The following NDUFV2 variants were observed in gnomAD, a reference collection of about 807,000 sequenced individuals.
NDUFV2 encodes the protein NADH:ubiquinone oxidoreductase core subunit V2.
NDUFV2 carries 18 observed loss-of-function variants against 31.6 expected under a neutral mutation model. The ratio of observed to expected loss-of-function variants is 0.57; its 90% CI spans 0.39 to 0.84. The LOEUF is 0.84. NDUFV2 is among the 40% of genes least tolerant of loss of function. The pLI, the probability that NDUFV2 is intolerant of heterozygous loss-of-function variation, is 0.00. For synonymous variants in NDUFV2, 83 were observed against 99.8 expected (o/e 0.83, Z 1.01); for missense variants, 314 against 303.6 (o/e 1.03, Z -0.26).
Position 9,127,525 on chromosome 18 carries a change from G to T in NDUFV2, c.656+618G>T, listed in dbSNP as rs2078001430. Among the ~76,000 whole-genome samples, 4 of 152,138 alleles carry T rather than the reference G, an allele frequency of 2.6e-5. No individual in the cohort carries two copies. In the South Asian group the frequency reaches 8.3e-4, roughly 32 times the overall value. ...GTCACCCAGTCTGGAGTACAGTGGCGCAGTGGCACAATCTCAGCTCAGTGC... is the reference window on the plus strand; with the variant it reads ...GTCACCCAGTCTGGAGTACAGTGGCTCAGTGGCACAATCTCAGCTCAGTGC... On this transcript the variant is annotated intron_variant, in intron 7 of 7. Transcript: ENST00000318388.
intron 7 of NDUFV2, among the ~76,000 whole-genome samples, chr18:9,130,954 C>T (rs2078034869): frequency 6.6e-6 from 1 of 152,170 alleles, no homozygotes; most frequent in African/African-American, 2.4e-5. Flanking sequence ...CTCTTGAACA[C>T]CATGGGCGTT....
At chr18:9,118,882 C>T (rs929977183) in intron 2 of NDUFV2, among the ~76,000 whole-genome samples, 3 of 129,676 alleles carry the variant, frequency 2.3e-5, no homozygotes, top group African/African-American at 8.5e-5. Context: ...TGGGTCTTAA[C>T]CCTTTTGGAT....
At chr18:9,119,410 A>T (rs1359433700) in intron 3 of NDUFV2, 22 bp downstream of exon 3, 1 of 1,600,104 alleles carries the variant, frequency 6.2e-7, no homozygotes, top group Non-Finnish European at 8.6e-7. Context: ...TTAACATTAT[A>T]ATTAATTTAC....
chr18:9,123,843 C>T (rs755380476), intron 5 of NDUFV2, among the ~76,000 whole-genome samples: 6 of 152,146 alleles, frequency 3.9e-5, no homozygotes, highest in Admixed American at 3.9e-4. Context: ...CACATCTTTG[C>T]GTACTTGTCC....
intron 4 of NDUFV2, among the ~76,000 whole-genome samples, chr18:9,122,290 TTA>T (rs1425783719): frequency 4.3e-4 from 65 of 152,202 alleles, no homozygotes; most frequent in Admixed American, 2.6e-4. Context: ...GTTAACTCCA[TTA>T]ACTTTCGGGC....
At chr18:9,125,289 C>T (rs188893318) in intron 6 of NDUFV2, among the ~76,000 whole-genome samples, 1 of 152,128 alleles carries the variant, frequency 6.6e-6, no homozygotes, top group East Asian at 1.9e-4. Context: ...ACTTCAGATA[C>T]TATCATCATC....
At chr18:9,115,432 G>A (rs2077893288) in intron 1 of NDUFV2, among the ~76,000 whole-genome samples, 1 of 152,080 alleles carries the variant, frequency 6.6e-6, no homozygotes, top group African/African-American at 2.4e-5. Flanking sequence ...GTTAAAACCT[G>A]CTCAGATTGG....
chr18:9,117,733 A>G (rs1391936411), intron 1 of NDUFV2, 105 bp from the exon 2 acceptor site: 3 of 713,458 alleles, frequency 4.2e-6, no homozygotes, highest in African/African-American at 1.8e-5. Flanking sequence ...AAGATCTTTT[A>G]TAAGTTGATT....
intron 7 of NDUFV2, among the ~76,000 whole-genome samples, chr18:9,130,049 CATA>C (rs1279882760): frequency 6.6e-6 from 1 of 152,026 alleles, no homozygotes; most frequent in African/African-American, 2.4e-5. Flanking sequence ...TTGTTTTAGA[CATA>C]GTAAGTTTGA....
intron 1 of NDUFV2, among the ~76,000 whole-genome samples, chr18:9,110,489 GTTTC>G (rs966481979): frequency 2.6e-5 from 4 of 151,998 alleles, no homozygotes; most frequent in African/African-American, 9.6e-5. Context: ...TATTTAGTTT[GTTTC>G]TTTCTTTATT....
intron 6 of NDUFV2, among the ~76,000 whole-genome samples, chr18:9,125,633 CT>C (rs2077983436): frequency 6.6e-6 from 1 of 151,316 alleles, no homozygotes; most frequent in Admixed American, 6.6e-5. Flanking sequence ...CTAGTTATTT[CT>C]TTAAAAATTG....
At chr18:9,102,932 G>T in intron 1 of NDUFV2, 135 bp downstream of exon 1, 1 of 902,712 alleles carries the variant, frequency 1.1e-6, no homozygotes, top group South Asian at 1.9e-5. Flanking sequence ...TGCGGCCTTA[G>T]CCCTCTTAGG....
At chr18:9,127,007 T>C (rs1181691420) in intron 7 of NDUFV2, 100 bp downstream of exon 7, 6 of 931,990 alleles carry the variant, frequency 6.4e-6, no homozygotes, top group African/African-American at 3.3e-5. Context: ...TTCATAGGAA[T>C]TGGTAGGAGC....
rs190425697 is a variant in NDUFV2 at position 9,103,400 on chromosome 18, A to G, written c.54+603A>G. 10 of 350,806 alleles carry G rather than the reference A, an allele frequency of 2.9e-5. No homozygotes were observed. In the East Asian group the frequency reaches 3.9e-4, roughly 14 times the overall value. The allele number at this position is 350,806 out of a possible 1,614,324, so 21.7% of individuals were successfully genotyped here. ...AAAGAACCACAGGATTTTAGAGATTAAATGATCTTTTTGAGATCCAAGTAC... is the reference window on the plus strand; with the variant it reads ...AAAGAACCACAGGATTTTAGAGATTGAATGATCTTTTTGAGATCCAAGTAC... On this transcript the variant is annotated intron_variant, in intron 1 of 7. Transcript: ENST00000318388.
At chr18:9,126,976 T>TA in intron 7 of NDUFV2, 69 bp downstream of exon 7, 1 of 1,252,216 alleles carries the variant, frequency 8.0e-7, no homozygotes, top group Non-Finnish European at 1.2e-6. Context: ...AAACTTGATT[T>TA]AAAAAATTTT....
chr18:9,118,528 T>G (rs1249695210), intron 2 of NDUFV2, among the ~76,000 whole-genome samples: 1 of 152,204 alleles, frequency 6.6e-6, no homozygotes, highest in Non-Finnish European at 1.5e-5. Context: ...ATTGGCCACA[T>G]ATTTGAGATC....
chr18:9,129,448 A>G (rs1413035425), intron 7 of NDUFV2, among the ~76,000 whole-genome samples: 2 of 152,230 alleles, frequency 1.3e-5, no homozygotes, highest in Non-Finnish European at 2.9e-5. Flanking sequence ...TAGGTTATGA[A>G]TACAATTATG....
intron 1 of NDUFV2, chr18:9,103,154 C>G: frequency 5.0e-6 from 2 of 401,336 alleles, no homozygotes; most frequent in Non-Finnish European, 8.8e-6. Flanking sequence ...AAGGAGGCAC[C>G]TCTCGTTTCA....
chr18:9,104,823 G>T (rs370087204), intron 1 of NDUFV2: 3 of 1,035,550 alleles, frequency 2.9e-6, no homozygotes, highest in African/African-American at 3.2e-5. Flanking sequence ...CACGTCATAC[G>T]TGTGTAGAAA....
Sources: gnomAD v4.1 joint callset for allele counts (sites outside exome capture counted in the v4.1 genomes callset) on GRCh38, gnomAD v4.1.1 for gene constraint, MANE v1.5 for transcripts, NCBI Gene and HGNC (gene_info 2026-07-23, HGNC 2026-07-21) for gene names.